DNAH3: variants seen among roughly 807,000 people sequenced by gnomAD.
The protein encoded by DNAH3 is dynein axonemal heavy chain 3, also known as axonemal beta dynein heavy chain 3.
DNAH3 carries 332 observed loss-of-function variants against 432.5 expected under a neutral mutation model. That is an observed-to-expected ratio of 0.77 (90% CI 0.70 to 0.84). The LOEUF is 0.84. DNAH3 is among the 40% of genes least tolerant of loss of function. DNAH3 has a pLI of 0.00. For synonymous variants in DNAH3, 1,956 were observed against 1,900.2 expected (o/e 1.03, Z -0.76); for missense variants, 4,861 against 5,114.0 (o/e 0.95, Z 1.51).
At chr16:21,116,709 T>C (rs933093883) in intron 12 of DNAH3, among the ~76,000 whole-genome samples, 43 of 152,266 alleles carry the variant, frequency 2.8e-4, no homozygotes, top group African/African-American at 9.9e-4. Context: ...TGATTCTCGA[T>C]CCCCAAATCC....
At chr16:21,131,127 A>G (rs562257134) in intron 7 of DNAH3, among the ~76,000 whole-genome samples, 2 of 152,156 alleles carry the variant, frequency 1.3e-5, no homozygotes, top group East Asian at 1.9e-4. Context: ...TCTTAAAGCC[A>G]GGAGTTCAAG....
intron 59 of DNAH3, among the ~76,000 whole-genome samples, 168 bp from the exon 60 acceptor site, chr16:20,937,021 T>C (rs563776847): frequency 1.9e-4 from 29 of 152,376 alleles, no homozygotes; most frequent in African/African-American, 6.7e-4. Context: ...CGTTGATGTA[T>C]ATCTTTCCAG....
chr16:21,105,246 C>G (rs1567798985), intron 15 of DNAH3, among the ~76,000 whole-genome samples: 1 of 152,166 alleles, frequency 6.6e-6, no homozygotes, highest in East Asian at 1.9e-4. Flanking sequence ...TCAACCTCCC[C>G]CTGACATCCA....
chr16:20,984,795 G>A (rs1286359794), intron 48 of DNAH3, among the ~76,000 whole-genome samples: 1 of 152,112 alleles, frequency 6.6e-6, no homozygotes, highest in African/African-American at 2.4e-5. Flanking sequence ...AAACTGGGAG[G>A]CAGAGGTTGC....
At chr16:20,937,373 C>T (rs867741442) in intron 59 of DNAH3, among the ~76,000 whole-genome samples, 19 of 151,932 alleles carry the variant, frequency 1.3e-4, no homozygotes, top group Admixed American at 4.6e-4. Flanking sequence ...CTATTGTTGA[C>T]GTGTTATTTC....
chr16:21,020,387 A>ATT (rs2088124092), intron 40 of DNAH3, among the ~76,000 whole-genome samples: 1 of 34,948 alleles, frequency 2.9e-5, no homozygotes, highest in Non-Finnish European at 4.9e-5. Context: ...ATATATATAT[A>ATT]TATATATATA....
At chr16:20,996,504 G>C (rs923745240) in intron 44 of DNAH3, among the ~76,000 whole-genome samples, 1 of 152,088 alleles carries the variant, frequency 6.6e-6, no homozygotes, top group Non-Finnish European at 1.5e-5. Flanking sequence ...CTGTTGCCCA[G>C]GCTGGAGTGC....
exon 31 of DNAH3, chr16:21,049,611 C>T: frequency 6.2e-7 from 1 of 1,614,200 alleles, no homozygotes; most frequent in Non-Finnish European, 8.5e-7. Flanking sequence ...ATGCTCCAGC[C>T]TGTGCCAGCC....
chr16:20,971,809 G>A (rs988110031), intron 51 of DNAH3, among the ~76,000 whole-genome samples: 1 of 152,222 alleles, frequency 6.6e-6, no homozygotes, highest in African/African-American at 2.4e-5. Flanking sequence ...GCTAGCCTTG[G>A]TCACATAGGC....
chr16:21,027,176 C>T, intron 37 of DNAH3, 49 bp from the exon 38 acceptor site: 2 of 1,363,064 alleles, frequency 1.5e-6, no homozygotes, highest in Non-Finnish European at 2.1e-6. Flanking sequence ...GCTTAAATTC[C>T]ATCTGCAAGT....
In DNAH3 at chr16:20,963,445, C is replaced by T. The variant is rs776237346; in HGVS notation, c.10439G>A (p.Arg3480Gln). 4.6e-5 allele frequency: 75 copies of T among 1,614,096 alleles called. 1 individual carries two copies. Among genetic ancestry groups the T allele is most frequent in the South Asian group, 4.1e-4 (37 of 91,086 alleles). ...GACCGCTGGCACCATTTTGTCAGGC[C>T]GCAAACATCGAAGGATCACCATCTT... Residue 3480 changes from arginine to glutamine, a missense_variant, in exon 53 of 62, where the codon CGG (arginine) becomes CAG (glutamine). Transcript: ENST00000261383.
At chr16:21,086,782 T>G (rs2091387529) in intron 19 of DNAH3, 67 bp downstream of exon 19, 2 of 1,420,188 alleles carry the variant, frequency 1.4e-6, no homozygotes, top group Non-Finnish European at 2.0e-6. Flanking sequence ...GTTTCCTGCC[T>G]TCCCAAGGAC....
At chr16:21,046,610 G>A (rs2089709322) in intron 31 of DNAH3, among the ~76,000 whole-genome samples, 1 of 152,108 alleles carries the variant, frequency 6.6e-6, no homozygotes, top group African/African-American at 2.4e-5. Flanking sequence ...GCACACTGAT[G>A]GGTCTTGACT....
rs781625135 is a variant in DNAH3 at position 21,060,295 on chromosome 16, A to T, written c.3782T>A (p.Val1261Asp). 1.9e-6 allele frequency: 3 copies of T among 1,613,866 alleles called. No homozygotes were observed. The highest frequency in any genetic ancestry group is 2.5e-6 in the Non-Finnish European group (3 of 1,179,994). The change falls in exon 26 of 62, where the codon GTC (valine) becomes GAC (aspartate). Residue 1261 changes from valine (V) to aspartate (D), a missense_variant. Physicochemically the swap from Val to Asp is radical, Grantham distance 152. Coordinates refer to ENST00000261383, the Ensembl canonical transcript of DNAH3. ...ATATGCTTCAATCCCAAGTCCAATG[A>T]CTTCTCGCATACTGGCCAGCATCAT...
At chr16:20,954,756 CTA>C in intron 55 of DNAH3, 55 bp downstream of exon 55, 3 of 1,584,806 alleles carry the variant, frequency 1.9e-6, no homozygotes, top group South Asian at 1.2e-5. Context: ...GGAAACACAC[CTA>C]TATGTGTCTG....
At chr16:21,126,365 G>C (rs1357290993) in intron 8 of DNAH3, among the ~76,000 whole-genome samples, 1 of 152,094 alleles carries the variant, frequency 6.6e-6, no homozygotes, top group African/African-American at 2.4e-5. Context: ...AGAGGTATGA[G>C]ATTTATTGAG....
At chr16:21,039,712 T>C in intron 33 of DNAH3, 140 bp downstream of exon 33, 1 of 747,838 alleles carries the variant, frequency 1.3e-6, no homozygotes. Context: ...GGCTATGTGC[T>C]CTCAGACCAC....
In DNAH3 at chr16:21,111,623, T is replaced by C; in HGVS notation, c.2099+3A>G. The stretch of plus-strand genomic sequence containing the variant: ...GCTATTTGTCTGCACAGAATTACAA[T>C]ACCTGGTATTGGTGTCTCGGTTTAC... On this transcript the variant is annotated splice_donor_region_variant and intron_variant, in intron 14 of 61. Coordinates refer to ENST00000261383, the Ensembl canonical transcript of DNAH3. 6.2e-7 allele frequency: 1 copy of C among 1,608,782 alleles called. No individual in the cohort carries two copies. Among genetic ancestry groups the C allele is most frequent in the Non-Finnish European group, 8.5e-7 (1 of 1,175,646 alleles).
At chr16:21,124,790 C>T (rs971871995) in intron 9 of DNAH3, among the ~76,000 whole-genome samples, 4 of 152,136 alleles carry the variant, frequency 2.6e-5, no homozygotes, top group African/African-American at 7.2e-5. Flanking sequence ...GTTGGGACTA[C>T]AGGCATCCGC....
Sources: allele counts gnomAD v4.1 joint callset (sites outside exome capture counted in the v4.1 genomes callset), GRCh38; gene constraint gnomAD v4.1.1; transcripts MANE v1.5; gene names NCBI Gene and HGNC (gene_info 2026-07-23, HGNC 2026-07-21).